Variants in KCNT2 observed in about 807,000 individuals in gnomAD.
KCNT2 encodes the protein potassium channel subfamily T member 2.
A neutral mutation model predicts 153.8 loss-of-function variants in KCNT2; 67 were observed. The ratio of observed to expected loss-of-function variants is 0.44; its 90% CI spans 0.36 to 0.53. The LOEUF is 0.53. Among genes scored for constraint, KCNT2 ranks in the 20% least tolerant of loss-of-function variants. KCNT2 has a pLI of 0.00. For missense variants in KCNT2, 975 were observed against 1,354.8 expected, an observed-to-expected ratio of 0.72 and a Z score of 4.40; for synonymous variants, 500 against 458.8, an observed-to-expected ratio of 1.09 and a Z score of -1.15.
At chr1:196,424,145 ATTC>A (rs1012256371) in intron 11 of KCNT2, among the ~76,000 whole-genome samples, 4 of 151,792 alleles carry the variant, frequency 2.6e-5, no homozygotes, top group Non-Finnish European at 5.9e-5. Flanking sequence ...ACATGGAGGA[ATTC>A]TTCTTGTAAA....
At chr1:196,519,904 C>T (rs1004983573) in intron 1 of KCNT2, among the ~76,000 whole-genome samples, 2 of 152,046 alleles carry the variant, frequency 1.3e-5, no homozygotes, top group African/African-American at 4.8e-5. Flanking sequence ...TGAAACTATT[C>T]CAAAAAATTG....
At chr1:196,443,149 GA>G (rs1252659969) in intron 8 of KCNT2, among the ~76,000 whole-genome samples, 1 of 151,534 alleles carries the variant, frequency 6.6e-6, no homozygotes, top group Non-Finnish European at 1.5e-5. Flanking sequence ...TCAAAAGAAT[GA>G]GCAGTAATTG....
At chr1:196,484,071 A>G (rs1209451458) in intron 3 of KCNT2, among the ~76,000 whole-genome samples, 1 of 152,176 alleles carries the variant, frequency 6.6e-6, no homozygotes, top group Non-Finnish European at 1.5e-5. Context: ...ACTATGTGCC[A>G]CAAAAGTTAC....
At chr1:196,533,871 T>G (rs1044621372) in intron 1 of KCNT2, among the ~76,000 whole-genome samples, 1 of 152,082 alleles carries the variant, frequency 6.6e-6, no homozygotes, top group African/African-American at 2.4e-5. Flanking sequence ...TCCATGACAC[T>G]AAAGAATGGG....
intron 17 of KCNT2, among the ~76,000 whole-genome samples, chr1:196,333,001 G>T (rs1463670056): frequency 6.6e-6 from 1 of 151,614 alleles, no homozygotes; most frequent in Non-Finnish European, 1.5e-5. Context: ...CGTTGGTCAG[G>T]CTTGTCTCAA....
chr1:196,319,102 G>A (rs1663028716), intron 20 of KCNT2, among the ~76,000 whole-genome samples: 1 of 151,626 alleles, frequency 6.6e-6, no homozygotes, highest in African/African-American at 2.4e-5. Context: ...GTTAAAATGA[G>A]CATTTCTAAA....
At chr1:196,566,483 A>G (rs1660130046) in intron 1 of KCNT2, among the ~76,000 whole-genome samples, 1 of 152,106 alleles carries the variant, frequency 6.6e-6, no homozygotes, top group South Asian at 2.1e-4. Context: ...GAACATGGCA[A>G]TTGTGTGCAA....
At chr1:196,239,418 A>G (rs1654745090) in intron 26 of KCNT2, among the ~76,000 whole-genome samples, 1 of 151,904 alleles carries the variant, frequency 6.6e-6, no homozygotes. Flanking sequence ...ATTTACAAAG[A>G]AACTTCTTTT....
chr1:196,387,259 T>A (rs2148396789), intron 13 of KCNT2, among the ~76,000 whole-genome samples: 1 of 152,148 alleles, frequency 6.6e-6, no homozygotes, highest in East Asian at 1.9e-4. Flanking sequence ...CTATCCTCTA[T>A]CTTGGTGCAG....
intron 12 of KCNT2, among the ~76,000 whole-genome samples, chr1:196,403,680 T>C (rs1671603456): frequency 6.6e-6 from 1 of 151,166 alleles, no homozygotes; most frequent in Admixed American, 6.6e-5. Context: ...GATATGGACA[T>C]TCTCTATATT....
Position 196,429,605 on chromosome 1 carries a change from C to G in KCNT2, c.791G>C (p.Cys264Ser). The change falls in exon 9 of 28, where the codon TGT becomes TCT. Residue 264 changes from cysteine (C) to serine (S), a missense_variant. Physicochemically the swap from Cys to Ser is moderately radical, Grantham distance 112 (BLOSUM62 -1). Coordinates refer to ENST00000294725, the MANE Select transcript of KCNT2 (RefSeq NM_198503.5). The part of the protein sequence containing the change: ...SSKLFVVAMI[C>S]VALVVLPIQF... The stretch of plus-strand genomic sequence containing the variant: ...TATGGGTAGAACCACAAGAGCAACA[C>G]AAATCATAGCAACTACAAAAAGCTT... 6.2e-7 allele frequency: 1 copy of G among 1,612,046 alleles called. No homozygotes were observed. The highest frequency in any genetic ancestry group is 1.3e-5 in the African/African-American group (1 of 74,894).
chr1:196,281,067 G>T lies in KCNT2; in HGVS notation c.2782-79C>A, dbSNP rs372344837. 6.0e-5 allele frequency: 69 copies of T among 1,153,808 alleles called. No homozygotes were observed. In the Middle Eastern group the frequency reaches 1.1e-3, roughly 18 times the overall value. The allele number at this position is 1,153,808 out of a possible 1,614,324, so 71.5% of individuals were successfully genotyped here. ...GTGGTAACTTTACATTTCTTTATTT[G>T]CTTATTTTTGTGGGGGGCAGGGTCT... On this transcript the variant is annotated intron_variant, in intron 24 of 27. Coordinates refer to ENST00000294725, the MANE Select transcript of KCNT2 (RefSeq NM_198503.5).
chr1:196,553,017 CAAAACAACCAT>C (rs897656431), intron 1 of KCNT2, among the ~76,000 whole-genome samples: 13 of 150,780 alleles, frequency 8.6e-5, no homozygotes, highest in African/African-American at 2.9e-4. Flanking sequence ...GAAAAGAACA[CAAAACAACCAT>C]AAAACAAAGA....
chr1:196,399,111 GTGTC>G (rs759445516), intron 12 of KCNT2, among the ~76,000 whole-genome samples: 8,660 of 150,892 alleles, frequency 0.057, 376 homozygotes, highest in Non-Finnish European at 0.085. Context: ...GTGTGTGTGT[GTGTC>G]TGTGTGTGTA....
chr1:196,494,522 T>A (rs961430454), intron 1 of KCNT2, among the ~76,000 whole-genome samples: 7 of 151,924 alleles, frequency 4.6e-5, no homozygotes, highest in African/African-American at 1.7e-4. Context: ...CCTCAGCCTC[T>A]CCAGTAGCCG....
intron 1 of KCNT2, among the ~76,000 whole-genome samples, chr1:196,579,556 C>T (rs1186289825): frequency 1.3e-5 from 2 of 151,878 alleles, no homozygotes; most frequent in Non-Finnish European, 2.9e-5. Context: ...TGTAATGACA[C>T]GATCTCGGCT....
intron 14 of KCNT2, among the ~76,000 whole-genome samples, chr1:196,350,120 G>A (rs1300810425): frequency 1.3e-5 from 2 of 152,068 alleles, no homozygotes; most frequent in Non-Finnish European, 2.9e-5. Context: ...TGGACATTTG[G>A]GTTGGTTCCA....
intron 1 of KCNT2, among the ~76,000 whole-genome samples, chr1:196,540,702 AG>A (rs1656236774): frequency 6.6e-6 from 1 of 152,208 alleles, no homozygotes; most frequent in Admixed American, 6.5e-5. Context: ...ACTCTCAGCA[AG>A]TATGTAACCT....
At chr1:196,533,054 C>T (rs186353521) in intron 1 of KCNT2, among the ~76,000 whole-genome samples, 67 of 152,190 alleles carry the variant, frequency 4.4e-4, no homozygotes, top group African/African-American at 1.5e-3. Context: ...TAATTTTACT[C>T]ATTTTGTGGG....
Sources: allele counts gnomAD v4.1 joint callset (sites outside exome capture counted in the v4.1 genomes callset), GRCh38; gene constraint gnomAD v4.1.1; transcripts MANE v1.5; gene names NCBI Gene and HGNC (gene_info 2026-07-23, HGNC 2026-07-21).